Variants in EEF1E1 observed in about 807,000 individuals in gnomAD.
The protein encoded by EEF1E1 is eukaryotic translation elongation factor 1 epsilon-1.
EEF1E1 carries 19 observed loss-of-function variants against 19.9 expected under a neutral mutation model. The ratio of observed to expected loss-of-function variants is 0.95; its 90% CI spans 0.66 to 1.40. The LOEUF (loss-of-function observed/expected upper bound fraction) is 1.40. EEF1E1 is among the 40% of genes most tolerant of loss of function. EEF1E1 has a pLI of 0.00. For missense variants in EEF1E1, 198 were observed against 202.2 expected (o/e 0.98, Z 0.13); for synonymous variants, 81 against 80.0 (o/e 1.01, Z -0.07).
chr6:8,082,720 C>T (rs1468951290), intron 3 of EEF1E1, among the ~76,000 whole-genome samples: 1 of 152,196 alleles, frequency 6.6e-6, no homozygotes, highest in Non-Finnish European at 1.5e-5. Context: ...GATGAGGTTA[C>T]GGTTACCACT....
Position 8,079,954 on chromosome 6 carries a change from C to T in EEF1E1, c.461G>A (p.Gly154Asp), listed in dbSNP as rs1403383689. The change falls in exon 4 of 4, where the codon GGC becomes GAC. Residue 154 changes from glycine (G) to aspartate (D), a missense_variant. Transcript: ENST00000379715. ...RWFCHIQHYP[G>D]IRQHLSSVVF... ...AACACTAGACAGATGTTGCCTGATG[C>T]CTGGATAATGCTGAATGTGACAAAA... 4 of 1,613,328 alleles carry T rather than the reference C, an allele frequency of 2.5e-6. No homozygotes were observed. The African/African-American group carries it at 5.3e-5, about 22-fold the overall frequency.
At chr6:8,101,243 A>AAAAAT (rs1271033598) in intron 1 of EEF1E1, among the ~76,000 whole-genome samples, 12 of 58,472 alleles carry the variant, frequency 2.1e-4, no homozygotes, top group East Asian at 5.3e-4. Flanking sequence ...AAAAAAAAAA[A>AAAAAT]ATATATATAT....
chr6:8,077,794 TTTA>T (rs1263468098), downstream of EEF1E1, among the ~76,000 whole-genome samples: 2 of 152,172 alleles, frequency 1.3e-5, no homozygotes, highest in African/African-American at 4.8e-5. Flanking sequence ...AGCACTTTTA[TTTA>T]TTGATTTATT....
At chr6:8,097,783 T>A (rs898672623) in intron 1 of EEF1E1, among the ~76,000 whole-genome samples, 7 of 152,224 alleles carry the variant, frequency 4.6e-5, no homozygotes, top group Non-Finnish European at 1.0e-4. Context: ...CTAATTATAC[T>A]GTATTAATTT....
rs151103159 is a variant in EEF1E1 at position 8,074,184 on chromosome 6, T to C, written c.385-674A>G. Among the ~76,000 whole-genome samples, 277 of 152,164 alleles carry C rather than the reference T, an allele frequency of 1.8e-3. 3 individuals are homozygous for C. Among genetic ancestry groups the C allele is most frequent in the African/African-American group, 6.4e-3 (266 of 41,496 alleles). Reference sequence around the variant, plus strand: ...TGGAAACCACTCGTTCAGCATGGAGTAGCAAAAACAGGAGCTGGATGCTTC... The same window carrying C: ...TGGAAACCACTCGTTCAGCATGGAGCAGCAAAAACAGGAGCTGGATGCTTC... On this transcript the variant is annotated intron_variant, in intron 3 of 3. Coordinates refer to the EEF1E1 transcript ENST00000429723.
At chr6:8,086,472 T>C (rs1757857300) in intron 3 of EEF1E1, among the ~76,000 whole-genome samples, 1 of 152,158 alleles carries the variant, frequency 6.6e-6, no homozygotes, top group South Asian at 2.1e-4. Context: ...ACCCTCCACT[T>C]TGCTTTATGA....
chr6:8,080,114 G>A lies in EEF1E1; in HGVS notation c.385-84C>T, dbSNP rs370923928. On this transcript the variant is annotated intron_variant, in intron 3 of 3. Transcript: ENST00000379715. ...AATATCACTTAAGTAGGAGATAGAA[G>A]TTGAAAAACAACAACATCAATCCCC... 1.8e-5 allele frequency: 26 copies of A among 1,469,068 alleles called. No individual in the cohort carries two copies. The African/African-American group carries it at 2.0e-4, about 11-fold the overall frequency. 91.0% of individuals were successfully genotyped at this position (1,469,068 alleles called of 1,614,324 possible).
At chr6:8,099,209 A>G (rs1758255439) in intron 1 of EEF1E1, among the ~76,000 whole-genome samples, 1 of 152,230 alleles carries the variant, frequency 6.6e-6, no homozygotes, top group African/African-American at 2.4e-5. Context: ...ATGCATAATG[A>G]TATTCTGGTC....
intron 3 of EEF1E1, among the ~76,000 whole-genome samples, chr6:8,085,821 T>A (rs1757839046): frequency 6.6e-6 from 1 of 152,266 alleles, no homozygotes. Context: ...ATTCTACTTA[T>A]CTGCCTCATG....
intron 2 of EEF1E1, 149 bp downstream of exon 2, chr6:8,097,118 G>T: frequency 2.6e-6 from 2 of 774,068 alleles, no homozygotes; most frequent in East Asian, 2.6e-5. Context: ...AACAGAGTCT[G>T]TTCCAGGCAG....
At chr6:8,101,700 C>CT in intron 1 of EEF1E1, 1 of 1,249,800 alleles carries the variant, frequency 8.0e-7, no homozygotes, top group Non-Finnish European at 1.0e-6. Context: ...CTAATACATT[C>CT]CTTCTACGAC....
At chr6:8,100,810 C>T (rs1758328030) in intron 1 of EEF1E1, among the ~76,000 whole-genome samples, 1 of 151,022 alleles carries the variant, frequency 6.6e-6, no homozygotes, top group Non-Finnish European at 1.5e-5. Context: ...GCCACCAGCC[C>T]CAGAGAGTTG....
chr6:8,097,582 C>A, intron 1 of EEF1E1, 115 bp from the exon 2 acceptor site: 1 of 737,426 alleles, frequency 1.4e-6, no homozygotes, highest in Non-Finnish European at 2.2e-6. Context: ...CTGGATTTTA[C>A]TCTAAGATAC....
intron 3 of EEF1E1, among the ~76,000 whole-genome samples, chr6:8,083,449 T>C (rs890446048): frequency 3.9e-5 from 6 of 152,216 alleles, no homozygotes; most frequent in Non-Finnish European, 7.3e-5. Flanking sequence ...AGGATTTTAA[T>C]AATCTTGAGT....
Position 8,099,795 on chromosome 6 carries a change from A to C in EEF1E1, c.88-2328T>G, listed in dbSNP as rs867215276. ...ACACACACACACACACACACACAAA[A>C]AAAAAACAGAACCCTCTATAATGTT... On this transcript the variant is annotated intron_variant, in intron 1 of 3. Coordinates refer to ENST00000379715, the MANE Select transcript of EEF1E1 (RefSeq NM_004280.5). Among the ~76,000 whole-genome samples the C allele has an allele frequency of 2.0e-3, 272 of 132,684 alleles. 1 individual carries two copies. The highest frequency in any genetic ancestry group is 0.019 in the Middle Eastern group (5 of 258). The allele number at this position is 132,684 out of a possible 152,430, so 87.0% of individuals were successfully genotyped here. A position where few individuals can be genotyped will look rare whatever the true frequency, so the allele number is the denominator to read the frequency against.
At chr6:8,074,229 T>A (rs1239467468) in intron 3 of EEF1E1, among the ~76,000 whole-genome samples, 1 of 152,184 alleles carries the variant, frequency 6.6e-6, no homozygotes, top group Non-Finnish European at 1.5e-5. Flanking sequence ...GTGGGCTAAT[T>A]TCCTAACTTC....
At chr6:8,095,004 C>T (rs985499963) in intron 2 of EEF1E1, among the ~76,000 whole-genome samples, 1 of 152,136 alleles carries the variant, frequency 6.6e-6, no homozygotes, top group Admixed American at 6.5e-5. Context: ...GTAAGGCTTG[C>T]AGTTAACAGT....
intron 3 of EEF1E1, among the ~76,000 whole-genome samples, chr6:8,089,286 G>A (rs1270120530): frequency 1.3e-5 from 2 of 152,188 alleles, no homozygotes; most frequent in African/African-American, 4.8e-5. Flanking sequence ...GATCAAAAGA[G>A]CTAAGATAAG....
downstream of EEF1E1, chr6:8,078,688 T>A (rs142779417): frequency 7.8e-7 from 1 of 1,286,076 alleles, no homozygotes; most frequent in Non-Finnish European, 1.0e-6. Context: ...GAGACAAACA[T>A]GGGGGCCTGT....
Sources: allele counts gnomAD v4.1 joint callset (sites outside exome capture counted in the v4.1 genomes callset), GRCh38; gene constraint gnomAD v4.1.1; transcripts MANE v1.5; gene names NCBI Gene and HGNC (gene_info 2026-07-23, HGNC 2026-07-21).